Variants in SENP3 observed in about 807,000 individuals in gnomAD.
The protein encoded by SENP3 is sentrin-specific protease 3.
In SENP3, 11 loss-of-function variants were observed where a neutral mutation model predicts 66.2. That is an observed-to-expected ratio of 0.17 (90% CI 0.10 to 0.28). The LOEUF (loss-of-function observed/expected upper bound fraction) is 0.28. Among genes scored for constraint, SENP3 ranks in the 10% least tolerant of loss-of-function variants. The probability of loss-of-function intolerance (pLI) is 1.00; values close to 1 mark genes in which losing one functional copy is unlikely to be tolerated. For missense variants in SENP3, 548 were observed against 743.7 expected (o/e 0.74, Z 3.06); for synonymous variants, 292 against 277.6 (o/e 1.05, Z -0.52).
In SENP3 at chr17:7,563,611, G is replaced by A; in HGVS notation, c.535G>A (p.Val179Met). The A allele has an allele frequency of 6.3e-7, 1 of 1,592,726 alleles. No homozygotes were observed. The change falls in exon 2 of 11, where the codon GTG becomes ATG. Residue 179 changes from valine (V) to methionine (M), a missense_variant. Coordinates refer to ENST00000321337, the MANE Select transcript of SENP3 (RefSeq NM_015670.6). ...SPQQGGATPQ[V>M]PSPCCRFDSP... ...CCAGCAAGGGGGTGCGACGCCACAGGTGCCATCCCCCTGTTGTCGTTTTGA... is the reference window on the plus strand; with the variant it reads ...CCAGCAAGGGGGTGCGACGCCACAGATGCCATCCCCCTGTTGTCGTTTTGA...
chr17:7,565,185 AG>A, intron 4 of SENP3, 115 bp downstream of exon 4: 1 of 903,124 alleles, frequency 1.1e-6, no homozygotes, highest in Non-Finnish European at 1.7e-6. Flanking sequence ...CTAGAGCTGA[AG>A]GGGAGGACTC....
intron 4 of SENP3, 53 bp from the exon 5 acceptor site, chr17:7,565,387 T>C (rs1326299084): frequency 1.3e-6 from 2 of 1,599,440 alleles, no homozygotes; most frequent in South Asian, 1.1e-5. Flanking sequence ...TAGGTATTTC[T>C]GTGTGCCCCA....
Position 7,563,174 on chromosome 17 carries a change from G to C in SENP3, c.98G>C (p.Arg33Pro), listed in dbSNP as rs1291795290. ...AYSSPRRERL[R>P]WPPPPKPRLK... ...TCAAGTCCCAGGCGGGAGCGTCTTC[G>C]TTGGCCCCCACCTCCCAAACCCCGA... The change falls in exon 2 of 11, where the codon CGT becomes CCT. Residue 33 changes from arginine to proline, a missense_variant. This residue lies in a region of SENP3 where 164 missense variants were observed against 167.9 expected (regional missense o/e 0.98). Coordinates refer to ENST00000321337, the MANE Select transcript of SENP3 (RefSeq NM_015670.6). 4 of 1,561,992 alleles carry C rather than the reference G, an allele frequency of 2.6e-6. No homozygotes were observed. Among genetic ancestry groups the C allele is most frequent in the South Asian group, 1.2e-5 (1 of 82,758 alleles).
At position 7,567,013 on chromosome 17, in the gene SENP3, T is replaced by G. The variant is rs767736252; in HGVS notation, c.1341+9T>G. The G allele has an allele frequency of 2.6e-6, 4 of 1,522,294 alleles. No individual in the cohort carries two copies. In the Admixed American group the frequency reaches 7.7e-5, roughly 29 times the overall value. 94.3% of individuals were successfully genotyped at this position (1,522,294 alleles called of 1,614,324 possible). The stretch of plus-strand genomic sequence containing the variant: ...AAAGGTGGACCAAAAACGTGAGTTT[T>G]GAATTCACATCCACTTGTGTAATGC... On this transcript the variant is annotated intron_variant, in intron 7 of 10. Coordinates refer to ENST00000321337, the MANE Select transcript of SENP3 (RefSeq NM_015670.6).
In SENP3 at chr17:7,564,766, A is replaced by G; in HGVS notation, c.857A>G (p.Gln286Arg). 2 of 1,614,022 alleles carry G rather than the reference A, an allele frequency of 1.2e-6. No individual in the cohort carries two copies. The highest frequency in any genetic ancestry group is 1.7e-6 in the Non-Finnish European group (2 of 1,179,896). Residue 286 changes from glutamine (Q) to arginine (R), a missense_variant, in exon 3 of 11, where the codon CAG (glutamine) becomes CGG (arginine). By Grantham distance (43) the Gln-to-Arg change is conservative (BLOSUM62 1). Transcript: ENST00000321337. ...IGDHVAQELF[Q>R]GSDLGMAEEA... ...GACCATGTGGCCCAGGAGCTTTTTC[A>G]GGGCTCAGATTTGGGCATGGCAGAA...
intron 7 of SENP3, among the ~76,000 whole-genome samples, chr17:7,569,572 G>C (rs565783890): frequency 1.3e-5 from 2 of 152,188 alleles, no homozygotes; most frequent in South Asian, 4.2e-4. Context: ...CAAAGGCCAG[G>C]AAATTTCTAC....
chr17:7,564,372 C>T (rs575886700), intron 2 of SENP3: 1 of 651,360 alleles, frequency 1.5e-6, no homozygotes, highest in East Asian at 3.0e-5. Flanking sequence ...GTTTTCATTT[C>T]TAAATGCTAA....
In SENP3 at chr17:7,562,001, C is replaced by A. The variant is rs1346392105; in HGVS notation, c.-274C>A. On this transcript the variant is annotated 5_prime_UTR_variant, in exon 1 of 11. Coordinates refer to ENST00000321337, the MANE Select transcript of SENP3 (RefSeq NM_015670.6). This position sits in a 1 kb window ranked among gnomAD's most constrained non-coding sequence, Gnocchi z 5.0. ...AGGAGGAGGGGGGGAGGAGTGGCGG[C>A]GGCGGCGGTGGCGCTGGTGGCGGCG... The A allele has an allele frequency of 7.5e-6, 3 of 398,376 alleles. No individual in the cohort carries two copies. Among genetic ancestry groups the A allele is most frequent in the Non-Finnish European group, 1.3e-5 (3 of 226,302 alleles). The allele number at this position is 398,376 out of a possible 1,614,324, so 24.7% of individuals were successfully genotyped here.
chr17:7,568,217 T>A (rs1214721142), intron 7 of SENP3, among the ~76,000 whole-genome samples: 1 of 151,502 alleles, frequency 6.6e-6, no homozygotes, highest in African/African-American at 2.4e-5. Flanking sequence ...CCCCACCAAC[T>A]TCCTGGGAGG....
At position 7,563,304 on chromosome 17, in the gene SENP3, A is replaced by G; in HGVS notation, c.228A>G (p.Glu76=). The change falls in exon 2 of 11, where the codon GAA becomes GAG. Residue 76 remains glutamate, a synonymous_variant. Coordinates refer to ENST00000321337, the MANE Select transcript of SENP3 (RefSeq NM_015670.6). The part of the protein sequence containing the change: ...PRPSFDASAS[E]EEEEEEEEED... ...CCTCTTTTGATGCCTCAGCAAGTGAAGAGGAGGAAGAAGAGGAGGAGGAGG... is the reference window on the plus strand; with the variant it reads ...CCTCTTTTGATGCCTCAGCAAGTGAGGAGGAGGAAGAAGAGGAGGAGGAGG... 1 of 1,552,908 alleles carries G rather than the reference A, an allele frequency of 6.4e-7. No homozygotes were observed. Among genetic ancestry groups the G allele is most frequent in the Non-Finnish European group, 8.7e-7 (1 of 1,147,636 alleles).
chr17:7,566,640 T>C (rs1597840404), intron 6 of SENP3, among the ~76,000 whole-genome samples: 1 of 142,494 alleles, frequency 7.0e-6, no homozygotes, highest in Non-Finnish European at 1.5e-5. Flanking sequence ...CACTCCAGCG[T>C]GGGCGACAGA....
In SENP3 at chr17:7,571,900, TATATATATA is replaced by T. The variant is rs2071327261; in HGVS notation, c.*419_*427del. The stretch of plus-strand genomic sequence containing the variant: ...ATATATATATATATATATATATATA[TATATATATA>T]AAAATATATAAATGCCACGGTCCTG... On this transcript the variant is annotated 3_prime_UTR_variant, in exon 11 of 11. Transcript: ENST00000321337. The T allele has an allele frequency of 6.7e-5, 1 of 14,954 alleles. No homozygotes were observed. Among genetic ancestry groups the T allele is most frequent in the Admixed American group, 7.8e-4 (1 of 1,274 alleles). The allele number at this position is 14,954 out of a possible 1,614,324, so 0.9% of individuals were successfully genotyped here. A position where few individuals can be genotyped will look rare whatever the true frequency, so the allele number is the denominator to read the frequency against.
rs1400205865 is a variant in SENP3 at position 7,565,797 on chromosome 17, G to C, written c.1263+33G>C. 3 of 1,603,226 alleles carry C rather than the reference G, an allele frequency of 1.9e-6. No homozygotes were observed. The Admixed American group carries it at 5.1e-5, about 27-fold the overall frequency. ...CAACCAGATAGGTCAGTACCCAGAG[G>C]AACTTCTGCAGTTTTAAGCAGCTTT... On this transcript the variant is annotated intron_variant, in intron 6 of 10. Transcript: ENST00000321337.
intron 10 of SENP3, 77 bp downstream of exon 10, chr17:7,571,010 C>A: frequency 7.8e-7 from 1 of 1,276,608 alleles, no homozygotes; most frequent in East Asian, 2.4e-5. Context: ...TTATGCATCC[C>A]CTCATTTGGC....
In SENP3 at chr17:7,570,571, T is replaced by C; in HGVS notation, c.1479+78T>C. 1.3e-6 allele frequency: 2 copies of C among 1,573,364 alleles called. No homozygotes were observed. The highest frequency in any genetic ancestry group is 1.4e-5 in the African/African-American group (1 of 74,026). ...GGCATTGCAGGAAGAAGGGTGGGCTTTGGGTCTTTGAGGGGCGACCTGGGC... is the reference window on the plus strand; with the variant it reads ...GGCATTGCAGGAAGAAGGGTGGGCTCTGGGTCTTTGAGGGGCGACCTGGGC... On this transcript the variant is annotated intron_variant, in intron 8 of 10. Transcript: ENST00000321337. This position sits in a 1 kb window ranked among gnomAD's most constrained non-coding sequence, Gnocchi z 5.4.
intron 7 of SENP3, among the ~76,000 whole-genome samples, chr17:7,569,797 C>T (rs889273804): frequency 1.3e-5 from 2 of 152,198 alleles, no homozygotes; most frequent in African/African-American, 2.4e-5. Flanking sequence ...GCAATTTCCT[C>T]ATCTGTTAGG....
intron 4 of SENP3, 67 bp downstream of exon 4, chr17:7,565,137 C>T: frequency 8.4e-7 from 1 of 1,197,146 alleles, no homozygotes; most frequent in Non-Finnish European, 1.2e-6. Flanking sequence ...AATACTGCTG[C>T]CTTTTCTTCC....
At chr17:7,568,457 G>A (rs537941212) in intron 7 of SENP3, among the ~76,000 whole-genome samples, 2 of 152,186 alleles carry the variant, frequency 1.3e-5, no homozygotes, top group Admixed American at 6.5e-5. Flanking sequence ...TTAGCTGGGC[G>A]TGGTGGCGTG....
Position 7,563,278 on chromosome 17 carries a change from C to G in SENP3, c.202C>G (p.Pro68Ala), listed in dbSNP as rs2071236926. ...AGCCAGACGCCTCCCTGTCCCCCGACCCTCTTTTGATGCCTCAGCAAGTGA... is the reference window on the plus strand; with the variant it reads ...AGCCAGACGCCTCCCTGTCCCCCGAGCCTCTTTTGATGCCTCAGCAAGTGA... ...VPARRLPVPR[P>A]SFDASASEEE... The change falls in exon 2 of 11, where the codon CCC (proline) becomes GCC (alanine). Residue 68 changes from proline (P) to alanine (A), a missense_variant. Around this residue, in one of 6 missense-constraint regions of SENP3, gnomAD observed 164 missense variants for 167.9 expected, o/e 0.98. Transcript: ENST00000321337. 1 of 1,553,646 alleles carries G rather than the reference C, an allele frequency of 6.4e-7. No homozygotes were observed. The highest frequency in any genetic ancestry group is 2.0e-5 in the Admixed American group (1 of 51,102).
Sources: gnomAD v4.1 joint callset for allele counts (sites outside exome capture counted in the v4.1 genomes callset) on GRCh38, gnomAD v4.1.1 for gene constraint, gnomAD v4.1.1 regional missense constraint, Gnocchi (gnomAD v3.1) non-coding constraint, MANE v1.5 for transcripts, NCBI Gene and HGNC (gene_info 2026-07-23, HGNC 2026-07-21) for gene names.